Variants in RIMKLB observed in about 807,000 individuals in gnomAD.
RIMKLB encodes the protein ribosomal modification protein rimK like family member B.
In RIMKLB, 7 loss-of-function variants were observed where a neutral mutation model predicts 32.0. That is an observed-to-expected ratio of 0.22 (90% CI 0.12 to 0.41). The LOEUF (loss-of-function observed/expected upper bound fraction) is 0.41. RIMKLB is among the 10% of genes least tolerant of loss of function. The pLI is 1.00. For missense variants in RIMKLB, 289 were observed against 498.7 expected (o/e 0.58, Z 4.00); for synonymous variants, 172 against 185.1 (o/e 0.93, Z 0.57).
chr12:8,701,017 A>C (rs1943345171), intron 1 of RIMKLB, among the ~76,000 whole-genome samples: 1 of 152,140 alleles, frequency 6.6e-6, no homozygotes, highest in Non-Finnish European at 1.5e-5. Context: ...GGTGAGCCGA[A>C]ATTTTATCAC....
At chr12:8,690,663 G>A (rs1321946886) in intron 1 of RIMKLB, among the ~76,000 whole-genome samples, 2 of 152,198 alleles carry the variant, frequency 1.3e-5, no homozygotes, top group African/African-American at 4.8e-5. Flanking sequence ...AGTGGCTCAC[G>A]CCTGTAATCC....
chr12:8,744,390 T>G (rs1753420779), intron 2 of RIMKLB, among the ~76,000 whole-genome samples: 2 of 151,910 alleles, frequency 1.3e-5, no homozygotes, highest in South Asian at 4.1e-4. Context: ...GATAGGCTGT[T>G]TATACTGGAG....
At chr12:8,754,793 A>ATGTT (rs1199723564) in intron 5 of RIMKLB, among the ~76,000 whole-genome samples, 2 of 151,920 alleles carry the variant, frequency 1.3e-5, no homozygotes, top group African/African-American at 4.8e-5. Flanking sequence ...ATATGTATGT[A>ATGTT]TGTATGAGTG....
intron 1 of RIMKLB, among the ~76,000 whole-genome samples, chr12:8,689,402 T>G (rs1942669137): frequency 2.6e-5 from 4 of 152,248 alleles, no homozygotes; most frequent in Admixed American, 2.6e-4. Flanking sequence ...CTATATATTT[T>G]GACTTCAAAC....
chr12:8,703,377 G>C (rs1310475239), intron 1 of RIMKLB, among the ~76,000 whole-genome samples: 1 of 152,306 alleles, frequency 6.6e-6, no homozygotes, highest in Admixed American at 6.5e-5. Flanking sequence ...CCAGGCTGAA[G>C]TACAGTAGTA....
chr12:8,765,470 G>A (rs1949877657), intron 5 of RIMKLB, among the ~76,000 whole-genome samples: 1 of 152,060 alleles, frequency 6.6e-6, no homozygotes, highest in Non-Finnish European at 1.5e-5. Context: ...TCTCTCATTT[G>A]GTGTTAGTGT....
intron 2 of RIMKLB, among the ~76,000 whole-genome samples, chr12:8,717,509 T>A (rs569257576): frequency 2.0e-5 from 3 of 152,176 alleles, no homozygotes; most frequent in Non-Finnish European, 4.4e-5. Flanking sequence ...CTTACAAATC[T>A]GTTCTAGCTC....
At chr12:8,735,790 G>A (rs920946823) in intron 2 of RIMKLB, among the ~76,000 whole-genome samples, 1 of 151,924 alleles carries the variant, frequency 6.6e-6, no homozygotes, top group Non-Finnish European at 1.5e-5. Flanking sequence ...GAGTGCAATG[G>A]CGGGATCCCG....
intron 5 of RIMKLB, among the ~76,000 whole-genome samples, chr12:8,770,712 G>T (rs77089968): frequency 4.6e-5 from 7 of 152,050 alleles, no homozygotes; most frequent in Non-Finnish European, 8.8e-5. Context: ...ATTTGACCAC[G>T]TGTGGGGGAT....
At chr12:8,686,474 T>TA (rs1942576727) in intron 1 of RIMKLB, among the ~76,000 whole-genome samples, 1 of 145,782 alleles carries the variant, frequency 6.9e-6, no homozygotes. Flanking sequence ...TTTTTTTTTT[T>TA]ATTCAGGGTT....
intron 2 of RIMKLB, among the ~76,000 whole-genome samples, 168 bp from the exon 3 acceptor site, chr12:8,749,694 G>A (rs1201246290): frequency 3.3e-5 from 5 of 152,040 alleles, no homozygotes; most frequent in Non-Finnish European, 4.4e-5. Flanking sequence ...TTTAATCAGA[G>A]ATTTTTCTAA....
At chr12:8,698,379 A>C (rs1943043665) in intron 1 of RIMKLB, 82 bp downstream of exon 1, 1 of 184,350 alleles carries the variant, frequency 5.4e-6, no homozygotes, top group Admixed American at 6.4e-5. Context: ...AGTTCAGCGG[A>C]ATGGATCCCC....
At chr12:8,737,392 A>G (rs746140136) in intron 2 of RIMKLB, among the ~76,000 whole-genome samples, 1 of 152,230 alleles carries the variant, frequency 6.6e-6, no homozygotes, top group East Asian at 1.9e-4. Context: ...TAAGAATATC[A>G]CATAAGTGAA....
At chr12:8,681,297 C>T (rs994125924), upstream of RIMKLB, among the ~76,000 whole-genome samples, 3 of 151,906 alleles carry the variant, frequency 2.0e-5, no homozygotes, top group Non-Finnish European at 4.4e-5. Context: ...GCTTTGAGGG[C>T]TGCTGCCAAT....
chr12:8,712,108 A>G (rs893789091), intron 1 of RIMKLB, among the ~76,000 whole-genome samples: 1 of 152,198 alleles, frequency 6.6e-6, no homozygotes, highest in African/African-American at 2.4e-5. Context: ...TATGCATGGA[A>G]TATCCTGCTG....
intron 1 of RIMKLB, among the ~76,000 whole-genome samples, chr12:8,703,315 T>C (rs1943567721): frequency 1.3e-5 from 2 of 151,748 alleles, no homozygotes; most frequent in African/African-American, 4.9e-5. Context: ...AAAAGAGAAA[T>C]GTTGTTTGGA....
At chr12:8,760,259 C>T (rs1565411359) in intron 5 of RIMKLB, among the ~76,000 whole-genome samples, 1 of 152,224 alleles carries the variant, frequency 6.6e-6, no homozygotes, top group Non-Finnish European at 1.5e-5. Flanking sequence ...CATGTCCCTA[C>T]AAAGGACATG....
chr12:8,697,667 C>T (rs1033935569), upstream of RIMKLB: 3 of 280,268 alleles, frequency 1.1e-5, no homozygotes, highest in East Asian at 3.4e-4. Flanking sequence ...GTCCTCGGAG[C>T]GCCCTCGCGC....
chr12:8,781,867 G>GGATGTAAATT, downstream of RIMKLB, among the ~76,000 whole-genome samples: 1 of 152,018 alleles, frequency 6.6e-6, no homozygotes, highest in African/African-American at 2.4e-5. Context: ...GAATGTAAAT[G>GGATGTAAATT]TCAATTAAAT....
Sources: allele counts gnomAD v4.1 joint callset (sites outside exome capture counted in the v4.1 genomes callset), GRCh38; gene constraint gnomAD v4.1.1; transcripts MANE v1.5; gene names NCBI Gene and HGNC (gene_info 2026-07-23, HGNC 2026-07-21).